GAB3: variants seen among roughly 807,000 people sequenced by gnomAD.
GAB3 encodes the protein GRB2 associated binding protein 3.
A neutral mutation model predicts 40.4 loss-of-function variants in GAB3; 12 were observed. The ratio of observed to expected loss-of-function variants is 0.30; its 90% CI spans 0.19 to 0.48. The LOEUF is 0.48. Among genes scored for constraint, GAB3 ranks in the 20% least tolerant of loss-of-function variants. The pLI is 0.99. For synonymous variants in GAB3, 154 were observed against 176.7 expected (o/e 0.87, Z 1.02); for missense variants, 381 against 461.9 (o/e 0.82, Z 1.61).
intron 9 of GAB3, chrX:154,679,281 G>A (rs1557246266): frequency 2.9e-6 from 1 of 340,001 alleles, no homozygotes; most frequent in Non-Finnish European, 5.9e-6. Flanking sequence ...TTCAGATGGG[G>A]GCTGCTTCTC....
intron 4 of GAB3, among the ~76,000 whole-genome samples, chrX:154,707,010 CATG>C (rs2070821209): frequency 9.1e-6 from 1 of 110,314 alleles, no homozygotes; most frequent in Non-Finnish European, 1.9e-5. Context: ...ACCCAAACAG[CATG>C]ATGATATTGG....
At position 154,699,941 on chromosome X, in the gene GAB3, A is replaced by G. The variant is rs781837912; in HGVS notation, c.1125+63T>C. 9 of 890,333 alleles carry G rather than the reference A, an allele frequency of 1.0e-5. No individual in the cohort carries two copies. The East Asian group carries it at 2.5e-4, about 24-fold the overall frequency. The allele number at this position is 890,333 out of a possible 1,213,427, so 73.4% of individuals were successfully genotyped here. A position where few individuals can be genotyped will look rare whatever the true frequency, so the allele number is the denominator to read the frequency against. On this transcript the variant is annotated intron_variant, in intron 5 of 9. Coordinates refer to ENST00000424127, the MANE Select transcript of GAB3 (RefSeq NM_001081573.3). ...TGAATCTTAAAGATTTCAAGGGAAT[A>G]TACATAGATCAAGCTGTTTTTGGTA...
chrX:154,683,311 G>A (rs1557247189), intron 8 of GAB3, among the ~76,000 whole-genome samples: 1 of 112,212 alleles, frequency 8.9e-6, no homozygotes, highest in Non-Finnish European at 1.9e-5. Flanking sequence ...AAACTCAATT[G>A]TAATGGTCTG....
At chrX:154,718,077 A>G (rs1362290115) in intron 1 of GAB3, among the ~76,000 whole-genome samples, 1 of 111,000 alleles carries the variant, frequency 9.0e-6, no homozygotes, top group Non-Finnish European at 1.9e-5. Context: ...CTGGGACAGG[A>G]AGTCTTTTGT....
At chrX:154,750,899 G>GCGGGCGGGTGCCCCGGGACGCGAAGGC (rs2071604507) in intron 1 of GAB3, 55 bp downstream of exon 1, 2 of 743,762 alleles carry the variant, frequency 2.7e-6, no homozygotes, top group Admixed American at 1.7e-4. Context: ...CGGCCGCCCC[G>GCGGGCGGGTGCCCCGGGACGCGAAGGC]CGGGCGGGTG....
chrX:154,750,901 G>C, intron 1 of GAB3, 53 bp downstream of exon 1: 1 of 750,257 alleles, frequency 1.3e-6, no homozygotes, highest in Non-Finnish European at 1.6e-6. Flanking sequence ...GCCGCCCCGC[G>C]GGCGGGTGCC....
rs2070294204 is a variant in GAB3, at chrX:154,676,197, A to G, written c.*1981T>C. 9.0e-6 allele frequency: 1 copy of G among 111,384 alleles called. No homozygotes were observed. The highest frequency in any genetic ancestry group is 1.9e-5 in the Non-Finnish European group (1 of 52,940). 9.2% of individuals were successfully genotyped at this position (111,384 alleles called of 1,213,427 possible). Reference sequence around the variant, plus strand: ...TGGGTCAATGGAGTGACATTTCACTACTGACATAATTTCAGCTATTCTTTT... The same window carrying G: ...TGGGTCAATGGAGTGACATTTCACTGCTGACATAATTTCAGCTATTCTTTT... On this transcript the variant is annotated 3_prime_UTR_variant, in exon 10 of 10. Coordinates refer to ENST00000424127, the MANE Select transcript of GAB3 (RefSeq NM_001081573.3).
chrX:154,738,187 C>T (rs1040820236), intron 1 of GAB3, among the ~76,000 whole-genome samples: 6 of 111,766 alleles, frequency 5.4e-5, no homozygotes, highest in Non-Finnish European at 9.4e-5. Context: ...AACGGTGTGG[C>T]GTGGCTGCCA....
At chrX:154,725,711 G>A (rs1014751320) in intron 1 of GAB3, among the ~76,000 whole-genome samples, 1 of 110,833 alleles carries the variant, frequency 9.0e-6, no homozygotes, top group Non-Finnish European at 1.9e-5. Context: ...ACCCTATGAG[G>A]TGCATCCTAA....
At chrX:154,690,463 C>T (rs1195428677) in intron 8 of GAB3, among the ~76,000 whole-genome samples, 4 of 111,632 alleles carry the variant, frequency 3.6e-5, no homozygotes, top group East Asian at 2.8e-4. Context: ...AAGAAACTAC[C>T]ATCAGAGTGA....
intron 1 of GAB3, among the ~76,000 whole-genome samples, chrX:154,724,586 G>C (rs782125183): frequency 9.0e-6 from 1 of 110,783 alleles, no homozygotes; most frequent in African/African-American, 3.3e-5. Context: ...CATTACCACC[G>C]ACCAGTATCA....
intron 1 of GAB3, among the ~76,000 whole-genome samples, chrX:154,748,996 T>A (rs887627585): frequency 2.1e-4 from 23 of 112,088 alleles, no homozygotes; most frequent in South Asian, 7.4e-4. Flanking sequence ...CAGATGCCTG[T>A]CAGCGAAAAA....
At chrX:154,694,890 T>C (rs2070631694) in intron 8 of GAB3, among the ~76,000 whole-genome samples, 1 of 112,177 alleles carries the variant, frequency 8.9e-6, no homozygotes, top group Non-Finnish European at 1.9e-5. Context: ...GTGTCAGAAA[T>C]ATTGGGAAGA....
chrX:154,708,975 C>G (rs1557254514), intron 4 of GAB3, among the ~76,000 whole-genome samples: 2 of 111,739 alleles, frequency 1.8e-5, no homozygotes, highest in Non-Finnish European at 1.9e-5. Flanking sequence ...GTGTCCCCCA[C>G]AAATCTCATG....
chrX:154,743,724 T>C (rs962542611), intron 1 of GAB3, among the ~76,000 whole-genome samples: 9 of 110,820 alleles, frequency 8.1e-5, no homozygotes, highest in Non-Finnish European at 1.5e-4. Flanking sequence ...AAATATGAAG[T>C]TATGAAATGT....
chrX:154,696,044 T>C, intron 7 of GAB3, 25 bp from the exon 8 acceptor site: 38 of 843,262 alleles, frequency 4.5e-5, no homozygotes, highest in Non-Finnish European at 6.1e-5. Flanking sequence ...ATAGATGAGG[T>C]CAAAGCAATG....
intron 4 of GAB3, among the ~76,000 whole-genome samples, chrX:154,710,250 C>A (rs782641500): frequency 8.9e-6 from 1 of 112,129 alleles, no homozygotes; most frequent in Non-Finnish European, 1.9e-5. Context: ...TCTTCACAAA[C>A]CGATCTACAG....
At chrX:154,731,734 A>G (rs782582294) in intron 1 of GAB3, among the ~76,000 whole-genome samples, 2 of 111,826 alleles carry the variant, frequency 1.8e-5, no homozygotes, top group South Asian at 3.7e-4. Context: ...CAATGAGAAG[A>G]TATCAGTACC....
Position 154,697,137 on chromosome X carries a change from C to G in GAB3, c.1422G>C (p.Val474=). 2 of 1,206,650 alleles carry G rather than the reference C, an allele frequency of 1.7e-6. No individual in the cohort carries two copies. The highest frequency in any genetic ancestry group is 2.2e-6 in the Non-Finnish European group (2 of 891,346). Residue 474 remains valine (V), a synonymous_variant, in exon 7 of 10, where the codon GTG becomes GTC. Transcript: ENST00000424127. ...EHASLTRTRT[V]PCSRTSFLSP... is the part of the protein sequence containing the mutation. ...TTTTGAGCAATCAGTCTTACCAAGG[C>G]ACAGTGCGGGTCCTGGTAAGAGATG... is the stretch of plus-strand genomic sequence containing the variant.
Sources: allele counts gnomAD v4.1 joint callset (sites outside exome capture counted in the v4.1 genomes callset), GRCh38; gene constraint gnomAD v4.1.1; transcripts MANE v1.5; gene names NCBI Gene and HGNC (gene_info 2026-07-23, HGNC 2026-07-21).